TACR1: variants seen among roughly 807,000 people sequenced by gnomAD.
The protein encoded by TACR1 is substance-P receptor.
Under a neutral mutation model 35.8 loss-of-function variants are expected in TACR1, and 25 were observed. That is an observed-to-expected ratio of 0.70 (90% CI 0.51 to 0.98). TACR1 has a LOEUF of 0.98. Among genes scored for constraint, TACR1 ranks in the 50% least tolerant of loss-of-function variants. The probability of loss-of-function intolerance (pLI) is 0.00; values close to 1 mark genes in which losing one functional copy is unlikely to be tolerated. For missense variants in TACR1, 478 were observed against 522.9 expected (o/e 0.91, Z 0.84); for synonymous variants, 195 against 206.7 (o/e 0.94, Z 0.48).
chr2:75,083,201 G>T (rs1017741511), intron 2 of TACR1, among the ~76,000 whole-genome samples: 7 of 152,114 alleles, frequency 4.6e-5, no homozygotes, highest in Non-Finnish European at 1.0e-4. Context: ...CCCATTTCTT[G>T]TTTTTGTCAG....
chr2:75,124,288 G>A (rs1015822961), intron 1 of TACR1, among the ~76,000 whole-genome samples: 3 of 152,328 alleles, frequency 2.0e-5, no homozygotes, highest in Middle Eastern at 3.4e-3. Flanking sequence ...CAATCTTATT[G>A]TGAAAAGGAA....
At chr2:75,187,459 A>G (rs1675735521) in intron 1 of TACR1, 1 of 152,204 alleles carries the variant, frequency 6.6e-6, no homozygotes, top group Non-Finnish European at 1.5e-5. Context: ...TGTATTACCT[A>G]AACTCCGGCA....
chr2:75,062,719 A>C (rs1672693438), intron 2 of TACR1, among the ~76,000 whole-genome samples: 1 of 152,180 alleles, frequency 6.6e-6, no homozygotes, highest in Admixed American at 6.5e-5. Context: ...ATATACTGTC[A>C]TTTTCCAGAA....
At chr2:75,057,207 T>C (rs1358391240) in intron 2 of TACR1, among the ~76,000 whole-genome samples, 1 of 150,902 alleles carries the variant, frequency 6.6e-6, no homozygotes, top group Non-Finnish European at 1.5e-5. Context: ...ACTGATGACA[T>C]TACCTTGTGA....
At chr2:75,092,323 A>C (rs1008489256) in intron 2 of TACR1, among the ~76,000 whole-genome samples, 11 of 152,032 alleles carry the variant, frequency 7.2e-5, no homozygotes, top group Non-Finnish European at 1.3e-4. Context: ...CACCAGCTTT[A>C]ATTTCCAAAC....
chr2:75,105,647 A>G (rs563152927), intron 2 of TACR1, among the ~76,000 whole-genome samples: 58 of 152,114 alleles, frequency 3.8e-4, no homozygotes, highest in Non-Finnish European at 6.5e-4. Flanking sequence ...TACTTTTATG[A>G]GTTAAATATA....
intron 1 of TACR1, chr2:75,189,522 C>A (rs954384113): frequency 2.0e-5 from 3 of 152,156 alleles, no homozygotes; most frequent in African/African-American, 7.2e-5. Flanking sequence ...AAATGAGAAT[C>A]TGATATATTA....
At chr2:75,160,008 C>A (rs937075712) in intron 1 of TACR1, among the ~76,000 whole-genome samples, 3 of 152,094 alleles carry the variant, frequency 2.0e-5, no homozygotes, top group Non-Finnish European at 4.4e-5. Context: ...CTCCCCATGG[C>A]AATATATTCA....
intron 1 of TACR1, among the ~76,000 whole-genome samples, chr2:75,143,455 A>G (rs1262150365): frequency 2.0e-5 from 3 of 152,168 alleles, no homozygotes; most frequent in Non-Finnish European, 4.4e-5. Flanking sequence ...TCTTCGAACC[A>G]GAAGTATTGG....
chr2:75,101,275 G>C (rs972233663), intron 2 of TACR1, among the ~76,000 whole-genome samples: 1 of 152,072 alleles, frequency 6.6e-6, no homozygotes, highest in Non-Finnish European at 1.5e-5. Flanking sequence ...AAATAAAAAT[G>C]ATGTAAGCAT....
At chr2:75,169,264 TTCCTCCTTTGAG>T (rs1327956027) in intron 1 of TACR1, among the ~76,000 whole-genome samples, 1 of 152,218 alleles carries the variant, frequency 6.6e-6, no homozygotes, top group Non-Finnish European at 1.5e-5. Flanking sequence ...GTTTCGTTTA[TTCCTCCTTTGAG>T]TCCTCAATTT....
chr2:75,118,036 G>A (rs574951799), intron 2 of TACR1, among the ~76,000 whole-genome samples: 23 of 152,202 alleles, frequency 1.5e-4, no homozygotes, highest in African/African-American at 5.1e-4. Flanking sequence ...GGAGCTGATC[G>A]CTCATCTAAC....
chr2:75,057,763 AAATTTCAGCTGT>A (rs1368677360), intron 2 of TACR1, among the ~76,000 whole-genome samples: 1 of 152,182 alleles, frequency 6.6e-6, no homozygotes, highest in African/African-American at 2.4e-5. Flanking sequence ...GGTGGGTAGA[AAATTTCAGCTGT>A]TACAGAAAGG....
chr2:75,094,859 A>ATATATATATATT lies in TACR1; in HGVS notation c.584+25714_584+25715insAATATATATATA. On this transcript the variant is annotated intron_variant, in intron 2 of 4. Coordinates refer to ENST00000305249, the MANE Select transcript of TACR1 (RefSeq NM_001058.4). ...GAAACATATATATATATATATATATATTTTTTTTTTTTTTGCCCAAGATGG... is the reference window on the plus strand; with the variant it reads ...GAAACATATATATATATATATATATATATATATATATTTTTTTTTTTTTTTTGCCCAAGATGG... Among the ~76,000 whole-genome samples, 117 of 113,084 alleles carry ATATATATATATT rather than the reference A, an allele frequency of 1.0e-3. 1 individual carries two copies. The highest frequency in any genetic ancestry group is 5.0e-3 in the African/African-American group (104 of 20,836). 74.2% of individuals were successfully genotyped at this position (113,084 alleles called of 152,430 possible). A position where few individuals can be genotyped will look rare whatever the true frequency, so the allele number is the denominator to read the frequency against.
Position 75,133,797 on chromosome 2 carries a change from C to A in TACR1, c.390-13029G>T, listed in dbSNP as rs899236161. 4.6e-5 allele frequency among the ~76,000 whole-genome samples: 7 copies of A among 152,222 alleles called. No individual in the cohort carries two copies. In the South Asian group the frequency reaches 6.2e-4, roughly 14 times the overall value. On this transcript the variant is annotated intron_variant, in intron 1 of 4. Transcript: ENST00000305249. ...TGTGTAAAATGAGGCTGAAACCTAC[C>A]GGGCTGCATTCCCAGACGGTTAGGC...
rs1330547878 is a variant in TACR1 at position 75,199,210 on chromosome 2, C to G, written c.-276G>C. 6 of 406,236 alleles carry G rather than the reference C, an allele frequency of 1.5e-5. No homozygotes were observed. The highest frequency in any genetic ancestry group is 2.7e-5 in the Non-Finnish European group (6 of 223,734). The allele number at this position is 406,236 out of a possible 1,614,324, so 25.2% of individuals were successfully genotyped here. On this transcript the variant is annotated 5_prime_UTR_variant, in exon 1 of 5. Transcript: ENST00000305249. ...AAGTCTGGAGACAGCATCTCTCTTG[C>G]GGTAAACTGAAAAAGGGAAAGAAAT...
At position 75,048,455 on chromosome 2, in the gene TACR1, A is replaced by G. The variant is rs1474532851; in HGVS notation, c.*977T>C. On this transcript the variant is annotated 3_prime_UTR_variant, in exon 5 of 5. Coordinates refer to ENST00000305249, the MANE Select transcript of TACR1 (RefSeq NM_001058.4). ...GAAGGAATGTACTCAGGATTTTAAG[A>G]TAAATCGGAGAATGTCTGAGATGGA... 6.6e-6 allele frequency: 1 copy of G among 152,234 alleles called. No individual in the cohort carries two copies. The highest frequency in any genetic ancestry group is 2.4e-5 in the African/African-American group (1 of 41,456). 9.4% of individuals were successfully genotyped at this position (152,234 alleles called of 1,614,324 possible).
chr2:75,150,236 A>G (rs1430699663), intron 1 of TACR1, among the ~76,000 whole-genome samples: 2 of 152,234 alleles, frequency 1.3e-5, no homozygotes, highest in African/African-American at 4.8e-5. Flanking sequence ...TGAAAAGCTC[A>G]GAATTTAGTG....
chr2:75,157,622 A>T (rs972116350), intron 1 of TACR1, among the ~76,000 whole-genome samples: 4 of 152,226 alleles, frequency 2.6e-5, no homozygotes, highest in Non-Finnish European at 5.9e-5. Context: ...TCCCCCACCT[A>T]AGGGTTGAAG....
Sources: gnomAD v4.1 joint callset for allele counts (sites outside exome capture counted in the v4.1 genomes callset) on GRCh38, gnomAD v4.1.1 for gene constraint, MANE v1.5 for transcripts, NCBI Gene and HGNC (gene_info 2026-07-23, HGNC 2026-07-21) for gene names.